Variants in CCDC102B observed in about 807,000 individuals in gnomAD.
The protein encoded by CCDC102B is coiled-coil domain containing 102B, also known as coiled-coil domain-containing protein 102B.
CCDC102B carries 75 observed loss-of-function variants against 57.4 expected under a neutral mutation model. That is an observed-to-expected ratio of 1.31 (90% CI 1.08 to 1.58). CCDC102B has a LOEUF of 1.58. CCDC102B is among the 40% of genes most tolerant of loss of function. The pLI, the probability that CCDC102B is intolerant of heterozygous loss-of-function variation, is 0.00. For missense variants in CCDC102B, 636 were observed against 582.6 expected (o/e 1.09, Z -0.94); for synonymous variants, 206 against 201.9 (o/e 1.02, Z -0.17).
At chr18:68,901,169 GT>G (rs2040437749) in intron 6 of CCDC102B, among the ~76,000 whole-genome samples, 1 of 152,108 alleles carries the variant, frequency 6.6e-6, no homozygotes, top group Admixed American at 6.6e-5. Context: ...GGCAATATAA[GT>G]TACTTGATGT....
At chr18:68,791,746 AT>A (rs2035470127) in intron 2 of CCDC102B, among the ~76,000 whole-genome samples, 1 of 151,958 alleles carries the variant, frequency 6.6e-6, no homozygotes, top group African/African-American at 2.4e-5. Flanking sequence ...TCATATATTC[AT>A]ATATATATTT....
rs370627741 is a variant in CCDC102B, at chr18:68,754,296, TG to T, written c.-67+37704del. 3.5e-3 allele frequency: 539 copies of T among 152,356 alleles called. 2 individuals are homozygous for T. Among genetic ancestry groups the T allele is most frequent in the African/African-American group, 0.012 (511 of 41,574 alleles). The allele number at this position is 152,356 out of a possible 1,614,324, so 9.4% of individuals were successfully genotyped here. A position where few individuals can be genotyped will look rare whatever the true frequency, so the allele number is the denominator to read the frequency against. On this transcript the variant is annotated intron_variant, in intron 2 of 3. Transcript: ENST00000578970. ...AATACAGAAAAATCTGCATGTTCAC[TG>T]GAAATCAGTCAGAGGTGTGTATATT... is the stretch of plus-strand genomic sequence containing the variant.
intron 7 of CCDC102B, among the ~76,000 whole-genome samples, chr18:69,016,951 CTG>C (rs1166278941): frequency 6.6e-6 from 1 of 152,022 alleles, no homozygotes; most frequent in Non-Finnish European, 1.5e-5. Context: ...GAAATACTGA[CTG>C]TATCTAATGG....
Position 68,836,667 on chromosome 18 carries a change from A to C in CCDC102B, c.-15-82A>C, listed in dbSNP as rs1235725737. The C allele has an allele frequency of 2.3e-5, 27 of 1,154,696 alleles. No individual in the cohort carries two copies. In the East Asian group the frequency reaches 6.5e-4, roughly 28 times the overall value. The allele number at this position is 1,154,696 out of a possible 1,614,324, so 71.5% of individuals were successfully genotyped here. ...ATTGTTTTCATCAATTTTCAAAAAA[A>C]AAAAAAAAAAAAGTGTAGGTCTTGT... is the stretch of plus-strand genomic sequence containing the variant. On this transcript the variant is annotated intron_variant, in intron 1 of 7. Coordinates refer to ENST00000360242, the MANE Select transcript of CCDC102B (RefSeq NM_024781.3).
At chr18:68,815,371 G>A (rs1384521789) in intron 1 of CCDC102B, among the ~76,000 whole-genome samples, 1 of 152,102 alleles carries the variant, frequency 6.6e-6, no homozygotes, top group East Asian at 1.9e-4. Flanking sequence ...TATATGCATT[G>A]GGGCAATGGT....
intron 6 of CCDC102B, among the ~76,000 whole-genome samples, chr18:68,997,422 A>G (rs114910276): frequency 1.8e-3 from 281 of 152,258 alleles, no homozygotes; most frequent in African/African-American, 6.5e-3. Context: ...CCCTTTATTT[A>G]TCGGTAAGCA....
intron 2 of CCDC102B, among the ~76,000 whole-genome samples, chr18:68,746,748 A>C (rs1033877874): frequency 6.6e-6 from 1 of 151,776 alleles, no homozygotes; most frequent in South Asian, 2.1e-4. Flanking sequence ...TTTTTAAAAA[A>C]TGATAGTTTT....
intron 4 of CCDC102B, among the ~76,000 whole-genome samples, chr18:68,848,178 A>G (rs765789693): frequency 1.4e-4 from 22 of 151,936 alleles, no homozygotes; most frequent in Non-Finnish European, 2.7e-4. Flanking sequence ...TAGCACAAGT[A>G]TAAGAGTAAA....
intron 6 of CCDC102B, among the ~76,000 whole-genome samples, chr18:68,917,701 A>G (rs1437695843): frequency 1.3e-5 from 2 of 152,184 alleles, no homozygotes; most frequent in East Asian, 1.9e-4. Flanking sequence ...TCAATCCCCA[A>G]TATCAAATAA....
At chr18:68,790,728 C>G (rs952047004) in intron 2 of CCDC102B, among the ~76,000 whole-genome samples, 7 of 152,200 alleles carry the variant, frequency 4.6e-5, no homozygotes, top group Non-Finnish European at 8.8e-5. Flanking sequence ...CGCCCACTGT[C>G]TGGCACTCCC....
Position 68,846,386 on chromosome 18 carries a change from G to C in CCDC102B, c.901G>C (p.Glu301Gln), listed in dbSNP as rs145012390. 63 of 1,588,138 alleles carry C rather than the reference G, an allele frequency of 4.0e-5. 1 individual carries two copies. The African/African-American group carries it at 8.2e-4, about 21-fold the overall frequency. ...ALSLWKWKYE[E>Q]LKESKPKNVK... The stretch of plus-strand genomic sequence containing the variant: ...GTCTCTGTGGAAGTGGAAGTATGAA[G>C]AACTGAAAGAATCAAAGCCAAAAAA... The change falls in exon 4 of 8, where the codon GAA becomes CAA. Residue 301 changes from glutamate (E) to glutamine (Q), a missense_variant. By Grantham distance (29) the Glu-to-Gln change is conservative (BLOSUM62 2). Transcript: ENST00000360242.
intron 4 of CCDC102B, among the ~76,000 whole-genome samples, chr18:68,858,278 A>C (rs1431452545): frequency 6.6e-6 from 1 of 152,176 alleles, no homozygotes; most frequent in Non-Finnish European, 1.5e-5. Flanking sequence ...GAGATTCATC[A>C]TTGATGTGCA....
chr18:69,052,475 C>T (rs1422280467), intron 7 of CCDC102B, among the ~76,000 whole-genome samples: 1 of 151,852 alleles, frequency 6.6e-6, no homozygotes, highest in African/African-American at 2.4e-5. Context: ...TGAATCACAT[C>T]TATATCTATC....
At chr18:68,781,561 T>C (rs1426475812) in intron 2 of CCDC102B, among the ~76,000 whole-genome samples, 1 of 152,172 alleles carries the variant, frequency 6.6e-6, no homozygotes, top group Admixed American at 6.6e-5. Context: ...AGTTTCACTT[T>C]TGACATCCGT....
At position 68,846,357 on chromosome 18, in the gene CCDC102B, CTTTGTCTCTG is replaced by C; in HGVS notation, c.874_883del (p.Leu292GlyfsTer8). 6.3e-7 allele frequency: 1 copy of C among 1,584,160 alleles called. No homozygotes were observed. Among genetic ancestry groups the C allele is most frequent in the Non-Finnish European group, 8.6e-7 (1 of 1,167,256 alleles). Reference sequence around the variant, plus strand: ...AAAGAAATAGAGAGACTGGAGTCGGCTTTGTCTCTGTGGAAGTGGAAGTATGAAGAACTGA... The same window carrying C: ...AAAGAAATAGAGAGACTGGAGTCGGCTGGAAGTGGAAGTATGAAGAACTGA... On this transcript the variant is annotated frameshift_variant, in exon 4 of 8. Transcript: ENST00000360242. LOFTEE classifies it high-confidence loss of function.
chr18:68,796,197 G>T (rs546694606), upstream of CCDC102B, among the ~76,000 whole-genome samples: 1 of 152,278 alleles, frequency 6.6e-6, no homozygotes, highest in African/African-American at 2.4e-5. Context: ...GAAAGATCAT[G>T]ATGGTTGTCT....
intron 6 of CCDC102B, among the ~76,000 whole-genome samples, chr18:68,940,338 G>A (rs1424886343): frequency 5.9e-5 from 9 of 151,780 alleles, no homozygotes; most frequent in African/African-American, 2.2e-4. Flanking sequence ...GAAATTTATT[G>A]CAAGTAAAGC....
intron 7 of CCDC102B, among the ~76,000 whole-genome samples, chr18:69,026,860 G>A (rs559778002): frequency 1.5e-4 from 23 of 152,264 alleles, no homozygotes; most frequent in African/African-American, 4.8e-4. Flanking sequence ...TCCTGGAAAG[G>A]AGAATACGTT....
In CCDC102B at chr18:69,054,109, C is replaced by G. The variant is rs144826581; in HGVS notation, c.1514C>G (p.Thr505Ser). The G allele has an allele frequency of 6.8e-6, 11 of 1,606,518 alleles. No homozygotes were observed. The highest frequency in any genetic ancestry group is 1.7e-5 in the Admixed American group (1 of 58,228). ...AAAGAAAGAAATGAAAACTTAGAGA[C>G]TGAACTCAGGCACTTGCAAAACTGG... ...EEKERNENLE[T>S]ELRHLQNW is the part of the protein sequence containing the mutation. Residue 505 changes from threonine (T) to serine (S), a missense_variant, in exon 8 of 8, where the codon ACT (threonine) becomes AGT (serine). Thr to Ser is a moderately conservative substitution (Grantham distance 58). Transcript: ENST00000360242.
Sources: allele counts gnomAD v4.1 joint callset (sites outside exome capture counted in the v4.1 genomes callset), GRCh38; gene constraint gnomAD v4.1.1; transcripts MANE v1.5; gene names NCBI Gene and HGNC (gene_info 2026-07-23, HGNC 2026-07-21).